Variants in VGLL4 observed in about 807,000 individuals in gnomAD.
VGLL4 encodes the protein vestigial like family member 4, also known as transcription cofactor vestigial-like protein 4.
VGLL4 carries 7 observed loss-of-function variants against 21.0 expected under a neutral mutation model. The ratio of observed to expected loss-of-function variants is 0.33; its 90% confidence interval spans 0.19 to 0.63. The LOEUF (loss-of-function observed/expected upper bound fraction) is 0.63. Ranked by LOEUF, VGLL4 falls within the 20% of genes least tolerant of loss-of-function variation. The probability of loss-of-function intolerance (pLI) is 0.78; values close to 1 mark genes in which losing one functional copy is unlikely to be tolerated. For synonymous variants in VGLL4, 222 were observed against 173.2 expected (o/e 1.28, Z -2.21); for missense variants, 394 against 425.7 (o/e 0.93, Z 0.66).
chr3:11,585,135 C>T (rs748558997), intron 2 of VGLL4, among the ~76,000 whole-genome samples: 2 of 152,180 alleles, frequency 1.3e-5, no homozygotes, highest in Non-Finnish European at 1.5e-5. Context: ...CCAGTTTTCA[C>T]AGTCAAGAGA....
At chr3:11,709,332 GAGGCT>G in intron 1 of VGLL4, among the ~76,000 whole-genome samples, 1 of 151,484 alleles carries the variant, frequency 6.6e-6, no homozygotes, top group East Asian at 1.9e-4. Flanking sequence ...AGCTACTCGG[GAGGCT>G]GAGGCAGGAG....
chr3:11,662,645 T>C (rs903373457), intron 2 of VGLL4, among the ~76,000 whole-genome samples: 2 of 152,252 alleles, frequency 1.3e-5, no homozygotes, highest in Non-Finnish European at 2.9e-5. Context: ...AGGAGTGCCA[T>C]GTAATACGGA....
At chr3:11,597,073 T>C (rs900796089) in intron 2 of VGLL4, among the ~76,000 whole-genome samples, 1 of 152,120 alleles carries the variant, frequency 6.6e-6, no homozygotes, top group Non-Finnish European at 1.5e-5. Context: ...GACAAGGACA[T>C]AGGACCAGTG....
In VGLL4 at chr3:11,665,110, T is replaced by C. The variant is rs988765797; in HGVS notation, c.64+37861A>G. Among the ~76,000 whole-genome samples the C allele has an allele frequency of 5.3e-4, 66 of 124,118 alleles. 4 individuals are homozygous for C. The highest frequency in any genetic ancestry group is 1.2e-3 in the South Asian group (4 of 3,334). The allele number at this position is 124,118 out of a possible 152,430, so 81.4% of individuals were successfully genotyped here. A position where few individuals can be genotyped will look rare whatever the true frequency, so the allele number is the denominator to read the frequency against. The stretch of plus-strand genomic sequence containing the variant: ...CAATTTGAATATTTTTCTTTTTTTT[T>C]TTTTTTTTTTTTTTTTTTTTTGAGA... On this transcript the variant is annotated intron_variant, in intron 2 of 5. Transcript: ENST00000273038.
At chr3:11,716,060 T>C (rs112319986) in intron 1 of VGLL4, among the ~76,000 whole-genome samples, 4 of 151,932 alleles carry the variant, frequency 2.6e-5, no homozygotes, top group African/African-American at 9.7e-5. Context: ...TCCCAGCACT[T>C]TGGGAGGCCG....
At chr3:11,682,168 CTGAGG>C (rs2076381767) in intron 2 of VGLL4, among the ~76,000 whole-genome samples, 3 of 152,098 alleles carry the variant, frequency 2.0e-5, no homozygotes, top group Non-Finnish European at 4.4e-5. Flanking sequence ...CTTTGGGAGG[CTGAGG>C]CAGGTGGATC....
chr3:11,643,819 G>C lies in VGLL4; in HGVS notation c.-301C>G. On this transcript the variant is annotated 5_prime_UTR_variant, in exon 1 of 5. Transcript: ENST00000430365. ...AAGTCCTTCCTGGAAATGGAAAAGAGTGAAAAAGAGAAACGCGCAGCCCGT... is the reference window on the plus strand; with the variant it reads ...AAGTCCTTCCTGGAAATGGAAAAGACTGAAAAAGAGAAACGCGCAGCCCGT... The C allele has an allele frequency of 9.2e-7, 1 of 1,091,976 alleles. No homozygotes were observed. Among genetic ancestry groups the C allele is most frequent in the Non-Finnish European group, 1.1e-6 (1 of 898,166 alleles). 67.6% of individuals were successfully genotyped at this position (1,091,976 alleles called of 1,614,324 possible).
chr3:11,597,823 C>G (rs1296653595), intron 2 of VGLL4, among the ~76,000 whole-genome samples: 1 of 152,138 alleles, frequency 6.6e-6, no homozygotes, highest in Non-Finnish European at 1.5e-5. Context: ...TGGTGAGCAG[C>G]AGGACCCAGA....
At chr3:11,651,754 A>T (rs535898842) in intron 2 of VGLL4, among the ~76,000 whole-genome samples, 46 of 138,072 alleles carry the variant, frequency 3.3e-4, no homozygotes, top group Middle Eastern at 7.2e-3. Context: ...TAGCTGATTT[A>T]AAAAAAAAAA....
intron 1 of VGLL4, among the ~76,000 whole-genome samples, chr3:11,709,141 G>GA (rs910872048): frequency 2.0e-5 from 3 of 151,726 alleles, no homozygotes; most frequent in African/African-American, 7.3e-5. Context: ...TGTGGCTCTA[G>GA]AAAAAGATAC....
rs7628526 is a variant in VGLL4 at position 11,698,375 on chromosome 3, G to A, written c.64+4596C>T. Among the ~76,000 whole-genome samples, 1,493 of 152,042 alleles carry A rather than the reference G, an allele frequency of 9.8e-3. 21 individuals carry two copies. The highest frequency in any genetic ancestry group is 0.033 in the African/African-American group (1,352 of 41,510). On this transcript the variant is annotated intron_variant, in intron 2 of 5. Transcript: ENST00000273038. ...ATACAAAAAATTAGCTGGGCGTGGT[G>A]ACACACGCCTGTAGTCCCAGTTACT...
chr3:11,574,634 C>T (rs2073974064), intron 2 of VGLL4, among the ~76,000 whole-genome samples: 3 of 152,172 alleles, frequency 2.0e-5, no homozygotes, highest in South Asian at 2.1e-4. Flanking sequence ...CAGTTTCAAA[C>T]AACATCCATA....
chr3:11,595,179 AACAAAAT>A (rs879908912), intron 2 of VGLL4, among the ~76,000 whole-genome samples: 17,100 of 152,228 alleles, frequency 0.11, 1,160 homozygotes, highest in East Asian at 0.25. Context: ...CAAACAAACA[AACAAAAT>A]AAGAAAACAC....
rs1364806914 is a variant in VGLL4 at position 11,601,948 on chromosome 3, C to T, written c.157G>A (p.Gly53Ser). The part of the protein sequence containing the change: ...VASALSSHRT[G>S]PPPISPSKRK... Reference sequence around the variant, plus strand: ...TTGCTGGGGCTGATTGGGGGAGGGCCGGTGCGGTGACTGCTGAGGGCAGAG... The same window carrying T: ...TTGCTGGGGCTGATTGGGGGAGGGCTGGTGCGGTGACTGCTGAGGGCAGAG... Residue 53 changes from glycine (G) to serine (S), a missense_variant, in exon 2 of 5, where the codon GGC becomes AGC. Coordinates refer to ENST00000430365, the MANE Select transcript of VGLL4 (RefSeq NM_001128219.3). 11 of 1,612,842 alleles carry T rather than the reference C, an allele frequency of 6.8e-6. No individual in the cohort carries two copies. The highest frequency in any genetic ancestry group is 6.7e-5 in the East Asian group (3 of 44,748).
At chr3:11,559,962 CAG>C (rs1304758192) in intron 3 of VGLL4, among the ~76,000 whole-genome samples, 2 of 152,138 alleles carry the variant, frequency 1.3e-5, no homozygotes, top group Admixed American at 6.6e-5. Flanking sequence ...CAAATCGGGA[CAG>C]AGAGGAAATG....
intron 1 of VGLL4, among the ~76,000 whole-genome samples, chr3:11,622,558 A>T (rs2447614): frequency 0.5 from 75,644 of 152,122 alleles, 21,876 homozygotes; most frequent in Non-Finnish European, 0.68. Context: ...CCGTCTTGAC[A>T]CAAGGTCAAT....
intron 2 of VGLL4, among the ~76,000 whole-genome samples, chr3:11,691,917 T>G (rs2076531446): frequency 1.4e-5 from 2 of 146,828 alleles, no homozygotes; most frequent in South Asian, 4.3e-4. Flanking sequence ...CACCAGATAC[T>G]GACCGGGGCA....
chr3:11,577,572 A>G (rs1259354896), intron 2 of VGLL4, among the ~76,000 whole-genome samples: 2 of 152,158 alleles, frequency 1.3e-5, no homozygotes, highest in South Asian at 4.1e-4. Flanking sequence ...CAGTCTGAAC[A>G]ACAGAGCAAG....
intron 2 of VGLL4, among the ~76,000 whole-genome samples, chr3:11,573,287 GAAAGAAAGAAAGAAAGA>G (rs2073880524): frequency 8.0e-4 from 8 of 9,944 alleles, no homozygotes; most frequent in East Asian, 2.9e-3. Flanking sequence ...AAGAAAGAAA[GAAAGAAAGAAAGAAAGA>G]AAGGAAGGAA....
Sources: allele counts gnomAD v4.1 joint callset (sites outside exome capture counted in the v4.1 genomes callset), GRCh38; gene constraint gnomAD v4.1.1; transcripts MANE v1.5; gene names NCBI Gene and HGNC (gene_info 2026-07-23, HGNC 2026-07-21).